The following BNIP2 variants were observed in gnomAD, a reference collection of about 807,000 sequenced individuals.
BNIP2 encodes the protein BCL2 interacting protein 2, also known as BCL2/adenovirus E1B 19 kDa protein-interacting protein 2.
In BNIP2, 36 loss-of-function variants were observed where a neutral mutation model predicts 43.4. The ratio of observed to expected loss-of-function variants is 0.83; its 90% confidence interval spans 0.64 to 1.10. BNIP2 has a LOEUF of 1.10. BNIP2 is among the 50% of genes least tolerant of loss of function. BNIP2 has a pLI of 0.00. For synonymous variants in BNIP2, 146 were observed against 121.0 expected, an observed-to-expected ratio of 1.21 and a Z score of -1.35; for missense variants, 417 against 374.1, an observed-to-expected ratio of 1.11 and a Z score of -0.95.
At chr15:59,685,225 C>A (rs188819719) in intron 1 of BNIP2, among the ~76,000 whole-genome samples, 6 of 152,304 alleles carry the variant, frequency 3.9e-5, no homozygotes, top group African/African-American at 1.2e-4. Flanking sequence ...TGAGGCCGGA[C>A]GTGGTGGCTC....
chr15:59,667,332 G>A (rs574823701), intron 9 of BNIP2, among the ~76,000 whole-genome samples: 5 of 152,250 alleles, frequency 3.3e-5, no homozygotes, highest in Non-Finnish European at 7.4e-5. Flanking sequence ...TCTTAAGATT[G>A]TATTAAACTA....
chr15:59,673,487 G>A (rs8035865), intron 5 of BNIP2, among the ~76,000 whole-genome samples: 151,613 of 152,314 alleles, frequency 1, 75,460 homozygotes, highest in Middle Eastern at 1. Context: ...GTGCAGTGGC[G>A]CAATCACAGC....
At chr15:59,675,409 G>T (rs1893215274) in intron 5 of BNIP2, among the ~76,000 whole-genome samples, 1 of 151,764 alleles carries the variant, frequency 6.6e-6, no homozygotes, top group Non-Finnish European at 1.5e-5. Flanking sequence ...AGGTGATCGA[G>T]ACCATCCTGG....
chr15:59,684,619 A>T (rs867384180), intron 1 of BNIP2, among the ~76,000 whole-genome samples: 1 of 152,210 alleles, frequency 6.6e-6, no homozygotes, highest in African/African-American at 2.4e-5. Flanking sequence ...AGTCTTTTCT[A>T]GATGTTTAAT....
At chr15:59,669,644 A>C (rs796275262) in intron 7 of BNIP2, among the ~76,000 whole-genome samples, 1 of 152,210 alleles carries the variant, frequency 6.6e-6, no homozygotes, top group Non-Finnish European at 1.5e-5. Context: ...AGGACTCTGT[A>C]AACAGGGAAA....
intron 1 of BNIP2, among the ~76,000 whole-genome samples, chr15:59,687,977 G>A (rs1248497188): frequency 1.3e-5 from 2 of 152,176 alleles, no homozygotes; most frequent in South Asian, 2.1e-4. Flanking sequence ...GAAGAAGCCT[G>A]TAATGCCTGA....
intron 1 of BNIP2, among the ~76,000 whole-genome samples, chr15:59,683,810 C>T (rs144533791): frequency 2.2e-4 from 34 of 152,220 alleles, no homozygotes; most frequent in African/African-American, 8.2e-4. Flanking sequence ...CAGAGCAAAA[C>T]CAGTAGCAGA....
Position 59,669,537 on chromosome 15 carries a change from A to C in BNIP2, c.708-175T>G, listed in dbSNP as rs557717665. Among the ~76,000 whole-genome samples the C allele has an allele frequency of 2.0e-5, 3 of 152,338 alleles. No homozygotes were observed. The East Asian group carries it at 5.8e-4, about 29-fold the overall frequency. The stretch of plus-strand genomic sequence containing the variant: ...CTCTTAAATTCTTATGGTCCCTCCT[A>C]CTGCTATGAAATGAACTTTACTTCA... On this transcript the variant is annotated intron_variant, in intron 7 of 9. Transcript: ENST00000607373.
In BNIP2 at chr15:59,661,425, C is replaced by T. The variant is rs182731165; in HGVS notation, c.*2644G>A. On this transcript the variant is annotated 3_prime_UTR_variant, in exon 10 of 10. Coordinates refer to ENST00000607373, the MANE Select transcript of BNIP2 (RefSeq NM_004330.4). Reference sequence around the variant, plus strand: ...CTTTATAAAGGTTTGCTTTCTCTTACTTCCTACTTTTATCACTTTCCAATG... The same window carrying T: ...CTTTATAAAGGTTTGCTTTCTCTTATTTCCTACTTTTATCACTTTCCAATG... 2 of 151,704 alleles carry T rather than the reference C, an allele frequency of 1.3e-5. No homozygotes were observed. The highest frequency in any genetic ancestry group is 3.9e-4 in the East Asian group (2 of 5,154). The allele number at this position is 151,704 out of a possible 1,614,324, so 9.4% of individuals were successfully genotyped here.
chr15:59,671,631 CT>C (rs1892932387), intron 6 of BNIP2, among the ~76,000 whole-genome samples: 1 of 152,128 alleles, frequency 6.6e-6, no homozygotes. Context: ...CTCTTTACCC[CT>C]GTGTATGTCT....
chr15:59,672,729 C>A lies in BNIP2; in HGVS notation c.483G>T (p.Gly161=). Residue 161 remains glycine, a synonymous_variant, in exon 6 of 10, where the codon GGG becomes GGT. Transcript: ENST00000607373. The part of the protein sequence containing the change: ...KKVISHGGYY[G]DGLNAIVVFA... ...ACACAACAATGGCATTTAATCCATC[C>A]CCATAATATCCTAAAAAAGAAACCA... The A allele has an allele frequency of 6.2e-7, 1 of 1,612,820 alleles. No individual in the cohort carries two copies. The highest frequency in any genetic ancestry group is 2.2e-5 in the East Asian group (1 of 44,832).
intron 9 of BNIP2, among the ~76,000 whole-genome samples, chr15:59,665,705 G>A (rs538933216): frequency 1.3e-5 from 2 of 152,270 alleles, no homozygotes; most frequent in East Asian, 3.9e-4. Flanking sequence ...GCATTAGAAG[G>A]ATTACATAAT....
chr15:59,676,542 T>C (rs542702506), intron 5 of BNIP2, among the ~76,000 whole-genome samples: 10 of 152,282 alleles, frequency 6.6e-5, no homozygotes, highest in African/African-American at 2.4e-4. Flanking sequence ...TGTATGCATA[T>C]AATCATTTTT....
chr15:59,672,589 A>AGGTG, intron 6 of BNIP2, 48 bp downstream of exon 6: 1 of 1,278,218 alleles, frequency 7.8e-7, no homozygotes, highest in Admixed American at 2.1e-5. Flanking sequence ...GTGTAGATCT[A>AGGTG]ATTAGCTCAC....
At position 59,680,273 on chromosome 15, in the gene BNIP2, A is replaced by G. The variant is rs762238174; in HGVS notation, c.86T>C (p.Ile29Thr). 4 of 1,603,438 alleles carry G rather than the reference A, an allele frequency of 2.5e-6. No individual in the cohort carries two copies. The highest frequency in any genetic ancestry group is 3.4e-6 in the Non-Finnish European group (4 of 1,174,192). ...LPEDDSIEAD[I>T]LAITGPEDQP... ...GTCCTCTGGTCCAGTTATAGCTAGTATATCTGCTTCAATACTATCATCTTC... is the reference window on the plus strand; with the variant it reads ...GTCCTCTGGTCCAGTTATAGCTAGTGTATCTGCTTCAATACTATCATCTTC... The change falls in exon 3 of 10, where the codon ATA becomes ACA. Residue 29 changes from isoleucine to threonine, a missense_variant. By Grantham distance (89) the Ile-to-Thr change is moderately conservative. Coordinates refer to ENST00000607373, the MANE Select transcript of BNIP2 (RefSeq NM_004330.4).
intron 7 of BNIP2, among the ~76,000 whole-genome samples, chr15:59,670,945 T>TG (rs1892861257): frequency 6.6e-6 from 1 of 151,936 alleles, no homozygotes; most frequent in Non-Finnish European, 1.5e-5. Flanking sequence ...TGGTGGCGCA[T>TG]GCCTGTAATC....
chr15:59,683,692 G>T (rs537109411), intron 1 of BNIP2, among the ~76,000 whole-genome samples: 2 of 152,202 alleles, frequency 1.3e-5, no homozygotes, highest in East Asian at 3.9e-4. Context: ...GGTGGCAGGC[G>T]CCTGTAATCC....
intron 1 of BNIP2, among the ~76,000 whole-genome samples, chr15:59,683,444 GTTCTT>G (rs1301283459): frequency 3.9e-5 from 6 of 152,306 alleles, no homozygotes; most frequent in Admixed American, 6.5e-5. Context: ...ACATATTTCT[GTTCTT>G]TTCTTTTCTT....
chr15:59,681,056 T>C lies in BNIP2; in HGVS notation c.51-748A>G, dbSNP rs183175509. Among the ~76,000 whole-genome samples, 184 of 152,336 alleles carry C rather than the reference T, an allele frequency of 1.2e-3. 1 individual carries two copies. The highest frequency in any genetic ancestry group is 5.1e-4 in the Non-Finnish European group (35 of 68,036). On this transcript the variant is annotated intron_variant, in intron 2 of 9. Transcript: ENST00000607373. ...CAAATATGACTGAAATGCACAAATATAATGTGATGTATGATGCAATGTATG... is the reference window on the plus strand; with the variant it reads ...CAAATATGACTGAAATGCACAAATACAATGTGATGTATGATGCAATGTATG...
Sources: allele counts gnomAD v4.1 joint callset (sites outside exome capture counted in the v4.1 genomes callset), GRCh38; gene constraint gnomAD v4.1.1; transcripts MANE v1.5; gene names NCBI Gene and HGNC (gene_info 2026-07-23, HGNC 2026-07-21).